The following AXL variants were observed in gnomAD, a reference collection of about 807,000 sequenced individuals.
The protein encoded by AXL is AXL receptor tyrosine kinase.
A neutral mutation model predicts 104.5 loss-of-function variants in AXL; 52 were observed. The ratio of observed to expected loss-of-function variants is 0.50; its 90% CI spans 0.40 to 0.63. The LOEUF (loss-of-function observed/expected upper bound fraction) is 0.63. Ranked by LOEUF, AXL falls within the 20% of genes least tolerant of loss-of-function variation. The probability of loss-of-function intolerance (pLI) is 0.00; values close to 1 mark genes in which losing one functional copy is unlikely to be tolerated. For missense variants in AXL, 1,024 were observed against 1,188.5 expected (o/e 0.86, Z 2.04); for synonymous variants, 455 against 473.7 (o/e 0.96, Z 0.51).
chr19:41,245,699 G>C, intron 12 of AXL, among the ~76,000 whole-genome samples: 1 of 139,256 alleles, frequency 7.2e-6, no homozygotes, highest in Non-Finnish European at 1.5e-5. Context: ...GGGTGATAGA[G>C]CAAGACACCG....
At chr19:41,257,751 A>ATT in intron 19 of AXL, 122 bp downstream of exon 19, 1 of 1,308,804 alleles carries the variant, frequency 7.6e-7, no homozygotes, top group Non-Finnish European at 1.1e-6. Flanking sequence ...ATGCTGAGTG[A>ATT]CCCACTTGCC....
chr19:41,257,772 G>A, intron 19 of AXL, 143 bp downstream of exon 19: 1 of 1,060,370 alleles, frequency 9.4e-7, no homozygotes, highest in Non-Finnish European at 1.4e-6. Context: ...CCTCACCAAT[G>A]CTCTGAGTAG....
At chr19:41,234,603 A>G in intron 6 of AXL, among the ~76,000 whole-genome samples, 1 of 152,240 alleles carries the variant, frequency 6.6e-6, no homozygotes, top group East Asian at 1.9e-4. Flanking sequence ...TATAATGTGC[A>G]AAGCAGTTTA....
Position 41,219,968 on chromosome 19 carries a change from C to T in AXL, c.85+491C>T, listed in dbSNP as rs143393511. ...ACTCCATCTCTGGGGAGGAGGCTCT[C>T]ACTTTGTCTCTCTGTCTCTGCCTCC... On this transcript the variant is annotated intron_variant, in intron 1 of 19. Coordinates refer to ENST00000301178, the MANE Select transcript of AXL (RefSeq NM_021913.5). Among the ~76,000 whole-genome samples, 823 of 152,014 alleles carry T rather than the reference C, an allele frequency of 5.4e-3. 4 individuals are homozygous for T. The highest frequency in any genetic ancestry group is 6.4e-3 in the Admixed American group (98 of 15,254).
intron 14 of AXL, among the ~76,000 whole-genome samples, chr19:41,251,455 G>A (rs1388718789): frequency 2.6e-5 from 4 of 151,796 alleles, no homozygotes; most frequent in African/African-American, 9.7e-5. Context: ...CCAGCTACTC[G>A]GGAGGCTGAG....
chr19:41,255,001 C>T (rs564723418), intron 17 of AXL, among the ~76,000 whole-genome samples: 1 of 152,322 alleles, frequency 6.6e-6, no homozygotes, highest in East Asian at 1.9e-4. Context: ...ACCCATGTAA[C>T]CACTAGATGA....
intron 4 of AXL, among the ~76,000 whole-genome samples, chr19:41,225,410 C>A (rs1051949345): frequency 6.6e-6 from 1 of 152,142 alleles, no homozygotes; most frequent in African/African-American, 2.4e-5. Context: ...GTGTACGCGT[C>A]GGTGTGTCTG....
chr19:41,221,610 C>T, intron 3 of AXL: 1 of 519,202 alleles, frequency 1.9e-6, no homozygotes, highest in Non-Finnish European at 3.4e-6. Flanking sequence ...TTTTTCTCAT[C>T]CATAGAATGA....
intron 6 of AXL, among the ~76,000 whole-genome samples, chr19:41,233,358 A>C (rs1173617432): frequency 2.0e-5 from 3 of 150,748 alleles, no homozygotes; most frequent in Non-Finnish European, 4.4e-5. Context: ...CTCTGAGCAC[A>C]ACCCCATCTG....
intron 9 of AXL, 128 bp downstream of exon 9, chr19:41,239,442 G>A: frequency 7.3e-7 from 1 of 1,366,784 alleles, no homozygotes; most frequent in African/African-American, 1.4e-5. Flanking sequence ...ACTGAGAGCT[G>A]CCCTCACTCC....
Position 41,237,933 on chromosome 19 carries a change from C to A in AXL, c.784-11C>A. ...TGGCTGTCCCGTCCTCACACCCTTG[C>A]CTCTCCTCAGGCTGTGCTGTCAGAC... On this transcript the variant is annotated splice_polypyrimidine_tract_variant and intron_variant, in intron 6 of 19. Transcript: ENST00000301178. 6.2e-7 allele frequency: 1 copy of A among 1,612,316 alleles called. No individual in the cohort carries two copies. Among genetic ancestry groups the A allele is most frequent in the Non-Finnish European group, 8.5e-7 (1 of 1,178,486 alleles).
In AXL at chr19:41,243,642, G is replaced by A; in HGVS notation, c.1472G>A (p.Arg491Lys). The change falls in exon 12 of 20, where the codon AGA becomes AAA. Residue 491 changes from arginine (R) to lysine (K), a missense_variant. Coordinates refer to ENST00000301178, the MANE Select transcript of AXL (RefSeq NM_021913.5). ...GAAGTGTTTGAACCAACAGTGGAAA[G>A]AGGTGAACTGGTAGTCAGGTACCGC... is the stretch of plus-strand genomic sequence containing the variant. ...YGEVFEPTVE[R>K]GELVVRYRVR... is the part of the protein sequence containing the mutation. 2 of 1,614,058 alleles carry A rather than the reference G, an allele frequency of 1.2e-6. No homozygotes were observed. The highest frequency in any genetic ancestry group is 1.3e-5 in the African/African-American group (1 of 75,004).
intron 11 of AXL, among the ~76,000 whole-genome samples, chr19:41,243,308 T>C (rs2034215655): frequency 6.6e-6 from 1 of 152,116 alleles, no homozygotes; most frequent in Admixed American, 6.5e-5. Context: ...TGGTCCCAGC[T>C]ACTTGGGAGG....
At chr19:41,250,101 G>T (rs1393669253) in intron 14 of AXL, among the ~76,000 whole-genome samples, 1 of 152,160 alleles carries the variant, frequency 6.6e-6, no homozygotes. Flanking sequence ...CTGGAAAAAA[G>T]GACCCTAATG....
chr19:41,221,717 G>A (rs905461726), intron 3 of AXL, 163 bp from the exon 4 acceptor site: 17 of 667,442 alleles, frequency 2.5e-5, no homozygotes, highest in South Asian at 5.9e-5. Context: ...TTGGGGTCAC[G>A]TGTGTGTTGG....
At chr19:41,244,120 C>G (rs1214861771) in intron 12 of AXL, among the ~76,000 whole-genome samples, 1 of 151,896 alleles carries the variant, frequency 6.6e-6, no homozygotes, top group Non-Finnish European at 1.5e-5. Flanking sequence ...AGGAGGATCA[C>G]CTGAGCCCAG....
rs765603944 is a variant in AXL, at chr19:41,259,592, G to A, written c.2373G>A (p.Gln791=). Residue 791 remains glutamine (Q), a synonymous_variant, in exon 20 of 20, where the codon CAG becomes CAA. Transcript: ENST00000301178. ...LMSRCWELNP[Q]DRPSFTELRE... is the part of the protein sequence containing the mutation. ...CGCGGTGCTGGGAGCTAAATCCCCA[G>A]GACCGGCCAAGTTTTACAGAGCTGC... 1 of 1,613,026 alleles carries A rather than the reference G, an allele frequency of 6.2e-7. No homozygotes were observed. Among genetic ancestry groups the A allele is most frequent in the South Asian group, 1.1e-5 (1 of 90,916 alleles).
chr19:41,250,948 G>GAACTGTTAACTGTT (rs1354697795), intron 14 of AXL, among the ~76,000 whole-genome samples: 56 of 152,250 alleles, frequency 3.7e-4, no homozygotes, highest in African/African-American at 1.3e-3. Context: ...ACAGTGTCCT[G>GAACTGTTAACTGTT]AACTGTTAAA....
chr19:41,250,045 G>A (rs1378232773), intron 14 of AXL, among the ~76,000 whole-genome samples: 2 of 152,158 alleles, frequency 1.3e-5, no homozygotes, highest in African/African-American at 2.4e-5. Context: ...CCAGCTATGC[G>A]ATCTCAGGCA....
Sources: gnomAD v4.1 joint callset for allele counts (sites outside exome capture counted in the v4.1 genomes callset) on GRCh38, gnomAD v4.1.1 for gene constraint, MANE v1.5 for transcripts, NCBI Gene and HGNC (gene_info 2026-07-23, HGNC 2026-07-21) for gene names.